Variants in CHI3L1 observed in about 807,000 individuals in gnomAD.
The protein encoded by CHI3L1 is chitinase 3 like 1, also known as chitinase-3-like protein 1.
A neutral mutation model predicts 40.7 loss-of-function variants in CHI3L1; 30 were observed. The ratio of observed to expected loss-of-function variants is 0.74; its 90% CI spans 0.55 to 1.00. The LOEUF is 1.00. CHI3L1 is among the 50% of genes least tolerant of loss of function. CHI3L1 has a pLI of 0.00. For synonymous variants in CHI3L1, 210 were observed against 192.1 expected, an observed-to-expected ratio of 1.09 and a Z score of -0.77; for missense variants, 493 against 492.2, an observed-to-expected ratio of 1.00 and a Z score of -0.01.
Position 203,182,793 on chromosome 1 carries a change from G to A in CHI3L1, c.525C>T (p.Ser175=), listed in dbSNP as rs759338965. Residue 175 remains serine, a synonymous_variant, in exon 6 of 10, where the codon AGC becomes AGT. Coordinates refer to ENST00000255409, the MANE Select transcript of CHI3L1 (RefSeq NM_001276.4). The part of the protein sequence containing the change: ...AQPGKKQLLL[S]AALSAGKVTI... ...TGACCTTCCCCGCAGACAGTGCTGC[G>A]CTGAGCAGGAGCTGCTTTTTCCCTG... 21 of 1,614,008 alleles carry A rather than the reference G, an allele frequency of 1.3e-5. No individual in the cohort carries two copies. Among genetic ancestry groups the A allele is most frequent in the East Asian group, 6.7e-5 (3 of 44,902 alleles).
chr1:203,179,804 T>C lies in CHI3L1; in HGVS notation c.968A>G (p.Asn323Ser). 6.2e-7 allele frequency: 1 copy of C among 1,614,228 alleles called. No individual in the cohort carries two copies. Among genetic ancestry groups the C allele is most frequent in the Non-Finnish European group, 8.5e-7 (1 of 1,180,034 alleles). The change falls in exon 9 of 10, where the codon AAC (asparagine) becomes AGC (serine). Residue 323 changes from asparagine to serine, a missense_variant. Physicochemically the swap from Asn to Ser is conservative, Grantham distance 46 (BLOSUM62 1). Coordinates refer to ENST00000255409, the MANE Select transcript of CHI3L1 (RefSeq NM_001276.4). The part of the protein sequence containing the change: ...GQQVPYATKG[N>S]QWVGYDDQES... ...CTGGTCGTCGTATCCTACCCACTGG[T>C]TGCCCTTGGTGGCATAGGGGACCTG...
In CHI3L1 at chr1:203,182,961, C is replaced by T; in HGVS notation, c.466-109G>A. The T allele has an allele frequency of 2.7e-6, 3 of 1,119,732 alleles. No individual in the cohort carries two copies. The South Asian group carries it at 4.3e-5, about 16-fold the overall frequency. The allele number at this position is 1,119,732 out of a possible 1,614,324, so 69.4% of individuals were successfully genotyped here. A position where few individuals can be genotyped will look rare whatever the true frequency, so the allele number is the denominator to read the frequency against. ...CAACCCATTTGCTGTACTCCCCAACCTGCCTGGGGCCTAGTGGAAGTGATA... is the reference window on the plus strand; with the variant it reads ...CAACCCATTTGCTGTACTCCCCAACTTGCCTGGGGCCTAGTGGAAGTGATA... On this transcript the variant is annotated intron_variant, in intron 5 of 9. Transcript: ENST00000255409.
At chr1:203,181,396 G>A in intron 6 of CHI3L1, 111 bp from the exon 7 acceptor site, 1 of 1,226,580 alleles carries the variant, frequency 8.2e-7, no homozygotes, top group South Asian at 1.4e-5. Flanking sequence ...GCCGAGGCAG[G>A]TGGATCATGA....
At chr1:203,181,750 T>A in intron 6 of CHI3L1, 1 of 157,806 alleles carries the variant, frequency 6.3e-6, no homozygotes, top group Non-Finnish European at 1.4e-5. Flanking sequence ...CTGGCACACC[T>A]CCCTGTGCCA....
chr1:203,185,488 G>A (rs1656038530), intron 2 of CHI3L1, 103 bp from the exon 3 acceptor site: 2 of 944,890 alleles, frequency 2.1e-6, no homozygotes, highest in Admixed American at 3.9e-5. Context: ...GGGTAGGGAG[G>A]AGTGGGGTGC....
chr1:203,183,683 G>A lies in CHI3L1; in HGVS notation c.423C>T (p.Tyr141=), dbSNP rs1230539381. The change falls in exon 5 of 10, where the codon TAC becomes TAT. Residue 141 remains tyrosine (Y), a synonymous_variant. Transcript: ENST00000255409. ...AATGCTGTTTGTCTCTCCGTCCAGG[G>A]TAGAGCCAGGCAAGGTCCAGCCCAT... ...GFDGLDLAWL[Y]PGRRDKQHFT... 1 of 1,614,178 alleles carries A rather than the reference G, an allele frequency of 6.2e-7. No individual in the cohort carries two copies. The highest frequency in any genetic ancestry group is 8.5e-7 in the Non-Finnish European group (1 of 1,180,036).
rs1371346793 is a variant in CHI3L1 at position 203,185,376 on chromosome 1, T to C, written c.65A>G (p.Tyr22Cys). 6.2e-7 allele frequency: 1 copy of C among 1,613,992 alleles called. No homozygotes were observed. Among genetic ancestry groups the C allele is most frequent in the East Asian group, 2.2e-5 (1 of 44,886 alleles). Residue 22 changes from tyrosine to cysteine, a missense_variant, in exon 3 of 10, where the codon TAC becomes TGC. Transcript: ENST00000255409. ...GCTGGTGTAGTAGCAGACCAGTTTGTATGCAGAGCCTGAAGGAGAAGTCTG... is the reference window on the plus strand; with the variant it reads ...GCTGGTGTAGTAGCAGACCAGTTTGCATGCAGAGCCTGAAGGAGAAGTCTG... ...VLVLLQCCSA[Y>C]KLVCYYTSWS...
rs760464548 is a variant in CHI3L1 at position 203,182,779 on chromosome 1, G to A, written c.539C>T (p.Ala180Val). 21 of 1,613,966 alleles carry A rather than the reference G, an allele frequency of 1.3e-5. No homozygotes were observed. Among genetic ancestry groups the A allele is most frequent in the Admixed American group, 1.0e-4 (6 of 60,010 alleles). Residue 180 changes from alanine (A) to valine (V), a missense_variant, in exon 6 of 10, where the codon GCG (alanine) becomes GTG (valine). Physicochemically the swap from Ala to Val is moderately conservative, Grantham distance 64. Transcript: ENST00000255409. ...GCTGCTGTCAATGGTGACCTTCCCCGCAGACAGTGCTGCGCTGAGCAGGAG... is the reference window on the plus strand; with the variant it reads ...GCTGCTGTCAATGGTGACCTTCCCCACAGACAGTGCTGCGCTGAGCAGGAG... ...KQLLLSAALS[A>V]GKVTIDSSYD...
In CHI3L1 at chr1:203,179,422, C is replaced by T. The variant is rs202080664; in HGVS notation, c.*23G>A. 65 of 1,513,930 alleles carry T rather than the reference C, an allele frequency of 4.3e-5. No homozygotes were observed. The highest frequency in any genetic ancestry group is 1.8e-4 in the Admixed American group (8 of 44,960). The allele number at this position is 1,513,930 out of a possible 1,614,324, so 93.8% of individuals were successfully genotyped here. The stretch of plus-strand genomic sequence containing the variant: ...AGGGGGACGGGGCATCCTTGGCCCC[C>T]GTGCTGTGTGCAGAACAGAGGGCTA... On this transcript the variant is annotated 3_prime_UTR_variant, in exon 10 of 10. Transcript: ENST00000255409.
At chr1:203,181,058 C>A in intron 7 of CHI3L1, 104 bp downstream of exon 7, 5 of 1,426,554 alleles carry the variant, frequency 3.5e-6, no homozygotes, top group Non-Finnish European at 4.7e-6. Flanking sequence ...CATGACCCCC[C>A]TCTTGCAGGA....
intron 4 of CHI3L1, among the ~76,000 whole-genome samples, 200 bp from the exon 5 acceptor site, chr1:203,183,991 C>T (rs1273400560): frequency 6.6e-6 from 1 of 152,220 alleles, no homozygotes; most frequent in African/African-American, 2.4e-5. Flanking sequence ...CTGGCTCTAT[C>T]ACTTACTAGC....
rs1362555942 is a variant in CHI3L1 at position 203,183,591 on chromosome 1, A to G, written c.465+50T>C. On this transcript the variant is annotated intron_variant, in intron 5 of 9. Coordinates refer to ENST00000255409, the MANE Select transcript of CHI3L1 (RefSeq NM_001276.4). ...CTGACGCCGGCTTCTAGCCCACCCC[A>G]TTCCCTCATGCCTGCCCACCTCCCT... The G allele has an allele frequency of 3.7e-6, 6 of 1,602,594 alleles. No individual in the cohort carries two copies. In the South Asian group the frequency reaches 6.6e-5, roughly 18 times the overall value.
At chr1:203,185,138 G>C (rs951134956) in intron 3 of CHI3L1, 46 bp downstream of exon 3, 1 of 1,578,588 alleles carries the variant, frequency 6.3e-7, no homozygotes, top group African/African-American at 1.3e-5. Flanking sequence ...CCTGCCCTGG[G>C]ACCAGCCCAG....
intron 4 of CHI3L1, 123 bp downstream of exon 4, chr1:203,184,453 T>G: frequency 2.7e-6 from 2 of 739,436 alleles, no homozygotes; most frequent in Non-Finnish European, 4.7e-6. Flanking sequence ...GACAAACAGG[T>G]AGGCCTTGTA....
intron 3 of CHI3L1, 130 bp downstream of exon 3, chr1:203,185,054 A>G (rs1656026537): frequency 1.4e-6 from 1 of 734,928 alleles, no homozygotes; most frequent in Admixed American, 2.5e-5. Context: ...CCACCCATTT[A>G]AGCCAAGCCC....
At chr1:203,184,554 G>GC (rs1482325432) in intron 4 of CHI3L1, 22 bp downstream of exon 4, 1 of 1,604,656 alleles carries the variant, frequency 6.2e-7, no homozygotes, top group African/African-American at 1.3e-5. Context: ...CTGCCGTCCT[G>GC]CCCCTGGGGA....
At chr1:203,185,123 G>C in intron 3 of CHI3L1, 61 bp downstream of exon 3, 1 of 1,476,446 alleles carries the variant, frequency 6.8e-7, no homozygotes, top group Non-Finnish European at 9.4e-7. Context: ...CCTGGGTGGG[G>C]TTGCCCTGCC....
chr1:203,181,088 G>T (rs932639715), intron 7 of CHI3L1, 74 bp downstream of exon 7: 2 of 1,575,558 alleles, frequency 1.3e-6, no homozygotes, highest in African/African-American at 2.7e-5. Context: ...GGGCTAGAGA[G>T]ATTGGTGTGT....
chr1:203,185,331 C>T lies in CHI3L1; in HGVS notation c.110G>A (p.Gly37Asp), dbSNP rs1656034426. The part of the protein sequence containing the change: ...YYTSWSQYRE[G>D]DGSCFPDALD... ...GGCATCTGGGAAGCAGCTCCCATCG[C>T]CTTCCCGGTACTGGGACCAGCTGGT... Residue 37 changes from glycine to aspartate, a missense_variant, in exon 3 of 10, where the codon GGC (glycine) becomes GAC (aspartate). Coordinates refer to ENST00000255409, the MANE Select transcript of CHI3L1 (RefSeq NM_001276.4). 1 of 1,614,202 alleles carries T rather than the reference C, an allele frequency of 6.2e-7. No homozygotes were observed. Among genetic ancestry groups the T allele is most frequent in the Non-Finnish European group, 8.5e-7 (1 of 1,180,036 alleles).
Sources: gnomAD v4.1 joint callset for allele counts (sites outside exome capture counted in the v4.1 genomes callset) on GRCh38, gnomAD v4.1.1 for gene constraint, MANE v1.5 for transcripts, NCBI Gene and HGNC (gene_info 2026-07-23, HGNC 2026-07-21) for gene names.